Variants in THBS2 observed in about 807,000 individuals in gnomAD.
The protein encoded by THBS2 is thrombospondin 2.
THBS2 carries 47 observed loss-of-function variants against 135.2 expected under a neutral mutation model. The observed-to-expected ratio is 0.35, with a 90% CI of 0.28 to 0.44. The LOEUF (loss-of-function observed/expected upper bound fraction) is 0.44, where lower values mean the gene tolerates loss of function less well. Ranked by LOEUF, THBS2 falls within the 20% of genes least tolerant of loss-of-function variation. THBS2 has a pLI of 1.00. For missense variants in THBS2, 1,288 were observed against 1,603.1 expected (o/e 0.80, Z 3.36); for synonymous variants, 639 against 633.8 (o/e 1.01, Z -0.12).
Position 169,238,940 on chromosome 6 carries a change from G to A in THBS2, c.1129+659C>T, listed in dbSNP as rs979774281. Among the ~76,000 whole-genome samples the A allele has an allele frequency of 1.3e-4, 20 of 152,108 alleles. 1 individual carries two copies. Among genetic ancestry groups the A allele is most frequent in the Admixed American group, 5.9e-4 (9 of 15,276 alleles). On this transcript the variant is annotated intron_variant, in intron 7 of 21. Coordinates refer to ENST00000617924, the MANE Select transcript of THBS2 (RefSeq NM_003247.5). ...CAACGGCACGGCACTGGGGAGCCAC[G>A]GATGGCTCAGGAGCTCTGGGTGGGG...
Position 169,248,424 on chromosome 6 carries a change from T to C in THBS2, c.602A>G (p.His201Arg). The part of the protein sequence containing the change: ...YVAKGSARES[H>R]FRGLLQNVHL... ...CCTCCCTGCAGAGCGTACCCTGAAG[T>C]GACTCTCTCTGGCAGAGCCTTTGGC... The change falls in exon 3 of 22, where the codon CAC (histidine) becomes CGC (arginine). Residue 201 changes from histidine (H) to arginine (R), a missense_variant. By Grantham distance (29) the His-to-Arg change is conservative. Coordinates refer to ENST00000617924, the MANE Select transcript of THBS2 (RefSeq NM_003247.5). 1 of 1,603,284 alleles carries C rather than the reference T, an allele frequency of 6.2e-7. No homozygotes were observed. The highest frequency in any genetic ancestry group is 8.5e-7 in the Non-Finnish European group (1 of 1,171,574).
chr6:169,219,162 T>TGG (rs144472009), intron 21 of THBS2, among the ~76,000 whole-genome samples: 1 of 135,174 alleles, frequency 7.4e-6, no homozygotes, highest in African/African-American at 2.8e-5. Context: ...GATGAGTGAG[T>TGG]GGGGGTGAAT....
At chr6:169,248,353 A>G in intron 3 of THBS2, 64 bp downstream of exon 3, 2 of 1,522,260 alleles carry the variant, frequency 1.3e-6, no homozygotes, top group Non-Finnish European at 1.8e-6. Flanking sequence ...CAGACGCATT[A>G]GCAGATCAGT....
chr6:169,227,892 G>A (rs1319152772), intron 15 of THBS2, among the ~76,000 whole-genome samples: 1 of 152,098 alleles, frequency 6.6e-6, no homozygotes, highest in Non-Finnish European at 1.5e-5. Flanking sequence ...GACCAGCCTG[G>A]CCAACATGGT....
rs544297300 is a variant in THBS2, at chr6:169,221,769, C to A, written c.3274-242G>T. On this transcript the variant is annotated intron_variant, in intron 19 of 21. Transcript: ENST00000617924. ...ACCCTCAGATTCCTGGATTGAAGAG[C>A]CCAGGCACCTGATCCTCAGATTCCT... is the stretch of plus-strand genomic sequence containing the variant. Among the ~76,000 whole-genome samples the A allele has an allele frequency of 3.3e-5, 5 of 152,288 alleles. No homozygotes were observed. In the South Asian group the frequency reaches 1.0e-3, roughly 32 times the overall value.
rs368758378 is a variant in THBS2, at chr6:169,232,935, A to C, written c.1734T>G (p.Pro578=). 14 of 1,575,750 alleles carry C rather than the reference A, an allele frequency of 8.9e-6. No homozygotes were observed. Among genetic ancestry groups the C allele is most frequent in the Non-Finnish European group, 1.2e-5 (14 of 1,161,334 alleles). Residue 578 remains proline (P), a synonymous_variant, in exon 11 of 22, where the codon CCT becomes CCG. Coordinates refer to ENST00000617924, the MANE Select transcript of THBS2 (RefSeq NM_003247.5). ...GGGTGCCATTGCCCAAGAAGCCCAC[A>C]GGGCAGGAGCCGCATGACCAGGACC... ...PDGSWSCGSC[P]VGFLGNGTHC...
At chr6:169,219,331 T>TGG (rs1779330809) in intron 21 of THBS2, among the ~76,000 whole-genome samples, 40 of 112,826 alleles carry the variant, frequency 3.5e-4, no homozygotes, top group African/African-American at 4.0e-4. Context: ...TGGGTGGGTG[T>TGG]GTGGGTGGGT....
intron 7 of THBS2, chr6:169,239,107 C>A (rs992941546): frequency 6.5e-6 from 1 of 153,736 alleles, no homozygotes; most frequent in African/African-American, 2.4e-5. Context: ...GGTGCCCACA[C>A]GTGGTTCCTC....
At chr6:169,242,689 CATCTT>C (rs1780370038) in intron 4 of THBS2, among the ~76,000 whole-genome samples, 2 of 77,048 alleles carry the variant, frequency 2.6e-5, no homozygotes, top group Non-Finnish European at 5.4e-5. Flanking sequence ...CCCACCTTCC[CATCTT>C]CCCACCTTCC....
chr6:169,221,351 A>G, intron 20 of THBS2, 79 bp downstream of exon 20: 1 of 1,289,796 alleles, frequency 7.8e-7, no homozygotes, highest in Non-Finnish European at 1.1e-6. Flanking sequence ...ACTTGAGCTT[A>G]TTTGTCTATT....
chr6:169,236,945 T>C (rs1204753924), intron 9 of THBS2, among the ~76,000 whole-genome samples: 1 of 152,266 alleles, frequency 6.6e-6, no homozygotes, highest in Non-Finnish European at 1.5e-5. Context: ...GAAACGGGGC[T>C]ATCTCAGAGG....
rs556789752 is a variant in THBS2 at position 169,241,550 on chromosome 6, A to G, written c.891+212T>C. ...GCCCAGGACTGTTTTCCTTGGGAAT[A>G]CTTCCCAAGATCTACCCAACTTCCC... On this transcript the variant is annotated intron_variant, in intron 5 of 21. Transcript: ENST00000617924. This position sits in a 1 kb window ranked among gnomAD's most constrained non-coding sequence, Gnocchi z 5.5. 2.6e-5 allele frequency among the ~76,000 whole-genome samples: 4 copies of G among 151,838 alleles called. No homozygotes were observed. The South Asian group carries it at 8.3e-4, about 32-fold the overall frequency.
chr6:169,232,824 G>T lies in THBS2; in HGVS notation c.1780-8C>A. The T allele has an allele frequency of 1.2e-6, 2 of 1,611,958 alleles. No individual in the cohort carries two copies. Among genetic ancestry groups the T allele is most frequent in the South Asian group, 2.2e-5 (2 of 90,810 alleles). ...GTCGGGGACCAGGGCACACTGCGGG[G>T]ACAAGCAGACATGAGAGGCCGCTCC... On this transcript the variant is annotated splice_region_variant and splice_polypyrimidine_tract_variant and intron_variant, in intron 11 of 21. Transcript: ENST00000617924.
rs184532797 is a variant in THBS2 at position 169,228,302 on chromosome 6, A to C, written c.2260-21T>G. On this transcript the variant is annotated intron_variant, in intron 14 of 21. Transcript: ENST00000617924. ...TTGTCCTGGAAAACCAAGAAAGGGA[A>C]GACTTTAACGAAGATCATAGGAATG... The C allele has an allele frequency of 6.2e-6, 10 of 1,613,452 alleles. No individual in the cohort carries two copies. The African/African-American group carries it at 1.1e-4, about 17-fold the overall frequency.
intron 7 of THBS2, 94 bp downstream of exon 7, chr6:169,239,505 C>T (rs1780217009): frequency 8.1e-7 from 1 of 1,238,632 alleles, no homozygotes; most frequent in Non-Finnish European, 1.1e-6. Flanking sequence ...CTGAACCTCA[C>T]TCTTCTCTGC....
In THBS2 at chr6:169,239,598, C is replaced by A; in HGVS notation, c.1129+1G>T. On this transcript the variant is annotated splice_donor_variant, in intron 7 of 21. Coordinates refer to ENST00000617924, the MANE Select transcript of THBS2 (RefSeq NM_003247.5). LOFTEE classifies it high-confidence loss of function. ...TGCGCTTGCCGGCTGGCGATACTCA[C>A]AGTGGAGGCAGGAAGGGCAGCATTC... 1 of 1,597,832 alleles carries A rather than the reference C, an allele frequency of 6.3e-7. No homozygotes were observed. The highest frequency in any genetic ancestry group is 8.5e-7 in the Non-Finnish European group (1 of 1,172,608).
chr6:169,238,604 G>A (rs989214934), intron 7 of THBS2, among the ~76,000 whole-genome samples: 1 of 152,160 alleles, frequency 6.6e-6, no homozygotes, highest in African/African-American at 2.4e-5. Context: ...GCACTTTTAC[G>A]CATATTGAAT....
chr6:169,228,308 T>C (rs781584021), intron 14 of THBS2, 27 bp from the exon 15 acceptor site: 9 of 1,612,916 alleles, frequency 5.6e-6, no homozygotes, highest in Admixed American at 1.7e-5. Context: ...GGGAAGACTT[T>C]AACGAAGATC....
chr6:169,240,581 G>A lies in THBS2; in HGVS notation c.903C>T (p.Asn301=), dbSNP rs771625474. 5.0e-6 allele frequency: 8 copies of A among 1,613,736 alleles called. No individual in the cohort carries two copies. The highest frequency in any genetic ancestry group is 1.1e-5 in the South Asian group (1 of 91,060). The change falls in exon 6 of 22, where the codon AAC becomes AAT. Residue 301 remains asparagine (N), a synonymous_variant. Transcript: ENST00000617924. ...SENLKRVSND[N]QFLWELIGGP... is the part of the protein sequence containing the mutation. Reference sequence around the variant, plus strand: ...CACCAATGAGCTCCCAGAGAAACTGGTTATCATTCGACTGGAAAATCAAGT... The same window carrying A: ...CACCAATGAGCTCCCAGAGAAACTGATTATCATTCGACTGGAAAATCAAGT...
Sources: gnomAD v4.1 joint callset for allele counts (sites outside exome capture counted in the v4.1 genomes callset) on GRCh38, gnomAD v4.1.1 for gene constraint, Gnocchi (gnomAD v3.1) non-coding constraint, MANE v1.5 for transcripts, NCBI Gene and HGNC (gene_info 2026-07-23, HGNC 2026-07-21) for gene names.